The following PRKG2 variants were observed in gnomAD, a reference collection of about 807,000 sequenced individuals.
PRKG2 encodes cGMP-dependent protein kinase 2.
In PRKG2, 33 loss-of-function variants were observed where a neutral mutation model predicts 97.2. That is an observed-to-expected ratio of 0.34 (90% CI 0.26 to 0.45). PRKG2 has a LOEUF of 0.45. Among genes scored for constraint, PRKG2 ranks in the 20% least tolerant of loss-of-function variants. The pLI is 1.00. For missense variants in PRKG2, 638 were observed against 900.0 expected (o/e 0.71, Z 3.73); for synonymous variants, 330 against 321.8 (o/e 1.03, Z -0.27).
At chr4:81,208,638 C>T (rs1483619814) in intron 1 of PRKG2, among the ~76,000 whole-genome samples, 1 of 152,052 alleles carries the variant, frequency 6.6e-6, no homozygotes, top group Admixed American at 6.5e-5. Context: ...GTTGCTCAAA[C>T]TGGTCTCGAA....
At chr4:81,170,712 C>A (rs1393168972) in intron 4 of PRKG2, among the ~76,000 whole-genome samples, 1 of 151,954 alleles carries the variant, frequency 6.6e-6, no homozygotes, top group East Asian at 1.9e-4. Context: ...GTCAATAAAA[C>A]AAATCTAAAG....
intron 2 of PRKG2, among the ~76,000 whole-genome samples, chr4:81,177,882 C>T (rs1000850930): frequency 6.6e-6 from 1 of 151,904 alleles, no homozygotes; most frequent in African/African-American, 2.4e-5. Context: ...TACAAGAGAA[C>T]ATGAGGCTGA....
chr4:81,202,394 G>C (rs796846384), intron 2 of PRKG2, among the ~76,000 whole-genome samples: 1 of 152,074 alleles, frequency 6.6e-6, no homozygotes, highest in Non-Finnish European at 1.5e-5. Context: ...TTTTGCAAGG[G>C]AAACTGAGGT....
rs1748043096 is a variant in PRKG2, at chr4:81,148,198, T to C, written c.1154+686A>G. On this transcript the variant is annotated intron_variant, in intron 9 of 18. Coordinates refer to ENST00000264399, the MANE Select transcript of PRKG2 (RefSeq NM_006259.3). ...GTTAATATTTCATATGCGTATGCTCTATTTCTTTGACTACACTATGACTTT... is the reference window on the plus strand; with the variant it reads ...GTTAATATTTCATATGCGTATGCTCCATTTCTTTGACTACACTATGACTTT... 1.3e-5 allele frequency among the ~76,000 whole-genome samples: 2 copies of C among 152,162 alleles called. 1 individual carries two copies. Among genetic ancestry groups the C allele is most frequent in the African/African-American group, 4.8e-5 (2 of 41,434 alleles).
chr4:81,100,009 A>C (rs1742558859), intron 17 of PRKG2, among the ~76,000 whole-genome samples: 2 of 152,198 alleles, frequency 1.3e-5, no homozygotes, highest in African/African-American at 4.8e-5. Context: ...CTTACAAGGC[A>C]TGTGAAGAAC....
At chr4:81,126,717 T>C (rs919389262) in intron 14 of PRKG2, among the ~76,000 whole-genome samples, 4 of 151,940 alleles carry the variant, frequency 2.6e-5, no homozygotes, top group Non-Finnish European at 5.9e-5. Flanking sequence ...CACTTTTTGA[T>C]GGTTTTTTTT....
intron 2 of PRKG2, among the ~76,000 whole-genome samples, chr4:81,202,374 T>C (rs1351611215): frequency 6.6e-6 from 1 of 152,178 alleles, no homozygotes; most frequent in African/African-American, 2.4e-5. Context: ...CTTAAGGAGG[T>C]ATCTGTACTT....
At chr4:81,176,514 T>C (rs1429502258) in intron 2 of PRKG2, among the ~76,000 whole-genome samples, 3 of 152,200 alleles carry the variant, frequency 2.0e-5, no homozygotes, top group Admixed American at 6.5e-5. Flanking sequence ...TTAGTACAAC[T>C]GGTAGAACTG....
intron 18 of PRKG2, among the ~76,000 whole-genome samples, chr4:81,090,880 A>G (rs972312203): frequency 6.6e-6 from 1 of 152,242 alleles, no homozygotes; most frequent in East Asian, 1.9e-4. Context: ...AATAAATAAT[A>G]TCTATCCATA....
chr4:81,179,219 T>C (rs1328158006), intron 2 of PRKG2, among the ~76,000 whole-genome samples: 1 of 151,636 alleles, frequency 6.6e-6, no homozygotes, highest in Non-Finnish European at 1.5e-5. Flanking sequence ...AAACTCTGCA[T>C]AAAATAAATA....
chr4:81,213,582 C>A (rs1822441), intron 1 of PRKG2, among the ~76,000 whole-genome samples: 30,509 of 152,022 alleles, frequency 0.2, 3,124 homozygotes, highest in Non-Finnish European at 0.23. Flanking sequence ...AAGAGTAGAG[C>A]CTGCAAGACG....
At chr4:81,135,796 C>T (rs992766099) in intron 13 of PRKG2, among the ~76,000 whole-genome samples, 2 of 151,878 alleles carry the variant, frequency 1.3e-5, no homozygotes, top group African/African-American at 4.8e-5. Flanking sequence ...ATTAAAGTCC[C>T]CTCTGTCAGC....
At chr4:81,193,898 A>T (rs1210795157) in intron 2 of PRKG2, among the ~76,000 whole-genome samples, 1 of 152,104 alleles carries the variant, frequency 6.6e-6, no homozygotes, top group Non-Finnish European at 1.5e-5. Flanking sequence ...ACCTTTACTT[A>T]TTGAAGGAGG....
At chr4:81,109,530 C>A (rs1039856081) in intron 15 of PRKG2, among the ~76,000 whole-genome samples, 30 of 152,092 alleles carry the variant, frequency 2.0e-4, no homozygotes, top group African/African-American at 6.5e-4. Flanking sequence ...AAGGAAGGTG[C>A]GTCACATTTA....
chr4:81,173,453 T>A (rs2110085781), intron 3 of PRKG2, among the ~76,000 whole-genome samples: 1 of 152,242 alleles, frequency 6.6e-6, no homozygotes, highest in Admixed American at 6.5e-5. Flanking sequence ...ATTTGTTGAC[T>A]TAATGACCTA....
rs187040470 is a variant in PRKG2 at position 81,197,915 on chromosome 4, G to C, written c.461+6672C>G. On this transcript the variant is annotated intron_variant, in intron 2 of 18. Coordinates refer to ENST00000264399, the MANE Select transcript of PRKG2 (RefSeq NM_006259.3). Reference sequence around the variant, plus strand: ...GCATTGGATGTATTAATCTGAAGGAGTAAAGGGAAACTTGGACATTAAAGC... The same window carrying C: ...GCATTGGATGTATTAATCTGAAGGACTAAAGGGAAACTTGGACATTAAAGC... Among the ~76,000 whole-genome samples, 296 of 152,290 alleles carry C rather than the reference G, an allele frequency of 1.9e-3. 1 individual carries two copies. The highest frequency in any genetic ancestry group is 6.7e-3 in the African/African-American group (280 of 41,558).
In PRKG2 at chr4:81,097,439, C is replaced by A. The variant is rs1330363159; in HGVS notation, c.2127-4987G>T. 2.0e-5 allele frequency among the ~76,000 whole-genome samples: 3 copies of A among 152,156 alleles called. No homozygotes were observed. The East Asian group carries it at 5.8e-4, about 29-fold the overall frequency. ...AGCACCGGCAGAGTAGATTTAGCAT[C>A]ATTCTTAAGGGCCTTAGGATTTTTA... On this transcript the variant is annotated intron_variant, in intron 17 of 18. Transcript: ENST00000264399.
intron 6 of PRKG2, chr4:81,165,088 C>T (rs1332150741): frequency 6.6e-6 from 1 of 152,146 alleles, no homozygotes; most frequent in South Asian, 2.1e-4. Flanking sequence ...CATTAGTTAA[C>T]TCTTAATGAA....
Position 81,104,439 on chromosome 4 carries a change from C to T in PRKG2, c.2064-7G>A, listed in dbSNP as rs1743121109. 2 of 1,400,710 alleles carry T rather than the reference C, an allele frequency of 1.4e-6. No individual in the cohort carries two copies. The highest frequency in any genetic ancestry group is 4.0e-5 in the South Asian group (2 of 49,950). 86.8% of individuals were successfully genotyped at this position (1,400,710 alleles called of 1,614,324 possible). ...CCTTTCTGTTGGATTTTGCCTAAAA[C>T]AATAATTTGTAAAAGGCAATTTATA... On this transcript the variant is annotated splice_polypyrimidine_tract_variant and splice_region_variant and intron_variant, in intron 16 of 18. Coordinates refer to ENST00000264399, the MANE Select transcript of PRKG2 (RefSeq NM_006259.3).
Sources: gnomAD v4.1 joint callset for allele counts (sites outside exome capture counted in the v4.1 genomes callset) on GRCh38, gnomAD v4.1.1 for gene constraint, MANE v1.5 for transcripts, NCBI Gene and HGNC (gene_info 2026-07-23, HGNC 2026-07-21) for gene names.